Variants in NLGN1 observed in about 807,000 individuals in gnomAD.
The protein encoded by NLGN1 is neuroligin-1.
Under a neutral mutation model 65.5 loss-of-function variants are expected in NLGN1, and 12 were observed. The observed-to-expected ratio is 0.18, with a 90% CI of 0.12 to 0.30. The LOEUF (loss-of-function observed/expected upper bound fraction) is 0.30, where lower values mean the gene tolerates loss of function less well. Among genes scored for constraint, NLGN1 ranks in the 10% least tolerant of loss-of-function variants. The probability of loss-of-function intolerance (pLI) is 1.00; values close to 1 mark genes in which losing one functional copy is unlikely to be tolerated. For synonymous variants in NLGN1, 350 were observed against 359.5 expected, an observed-to-expected ratio of 0.97 and a Z score of 0.30; for missense variants, 750 against 1,007.1, an observed-to-expected ratio of 0.74 and a Z score of 3.46.
chr3:173,469,776 G>C (rs1725020135), intron 2 of NLGN1, among the ~76,000 whole-genome samples: 1 of 151,750 alleles, frequency 6.6e-6, no homozygotes, highest in African/African-American at 2.4e-5. Context: ...CCAGACCCTG[G>C]TAGCCGCCAA....
chr3:173,809,645 C>T (rs1466018141), intron 4 of NLGN1, among the ~76,000 whole-genome samples: 1 of 152,098 alleles, frequency 6.6e-6, no homozygotes, highest in South Asian at 2.1e-4. Context: ...AGCAAGATTT[C>T]ATAACATAAA....
chr3:173,513,829 C>T (rs1004362524), intron 2 of NLGN1, among the ~76,000 whole-genome samples: 2 of 151,956 alleles, frequency 1.3e-5, no homozygotes, highest in African/African-American at 2.4e-5. Context: ...AGTTCACAAC[C>T]AGCCTGGCCA....
intron 2 of NLGN1, among the ~76,000 whole-genome samples, chr3:173,585,208 GT>G (rs1560004191): frequency 6.6e-6 from 1 of 152,164 alleles, no homozygotes; most frequent in African/African-American, 2.4e-5. Context: ...AAAAAACCTT[GT>G]TTTTGTGGCG....
intron 4 of NLGN1, among the ~76,000 whole-genome samples, chr3:174,168,013 A>G (rs1458074365): frequency 6.6e-6 from 1 of 151,982 alleles, no homozygotes; most frequent in African/African-American, 2.4e-5. Flanking sequence ...GTTTTCAATT[A>G]TATTTTGAAA....
intron 4 of NLGN1, among the ~76,000 whole-genome samples, chr3:173,959,340 A>G (rs900162486): frequency 2.0e-5 from 3 of 152,228 alleles, no homozygotes; most frequent in African/African-American, 7.2e-5. Flanking sequence ...GTAGTGAGAC[A>G]TATTTATCAA....
chr3:173,596,583 C>T (rs1749525868), intron 2 of NLGN1, among the ~76,000 whole-genome samples: 1 of 152,140 alleles, frequency 6.6e-6, no homozygotes, highest in African/African-American at 2.4e-5. Context: ...GCAGTTAGCT[C>T]AATGTTTAGC....
At chr3:174,139,579 G>C (rs1310123538) in intron 4 of NLGN1, among the ~76,000 whole-genome samples, 1 of 151,978 alleles carries the variant, frequency 6.6e-6, no homozygotes, top group Non-Finnish European at 1.5e-5. Flanking sequence ...CTATATCTCA[G>C]TGCAGGTTTT....
chr3:173,538,006 G>C (rs1458135945), intron 2 of NLGN1, among the ~76,000 whole-genome samples: 1 of 152,168 alleles, frequency 6.6e-6, no homozygotes, highest in African/African-American at 2.4e-5. Flanking sequence ...AATAATTGTT[G>C]TGTCACCTAG....
At chr3:174,207,281 G>A (rs760861601) in intron 4 of NLGN1, among the ~76,000 whole-genome samples, 2 of 151,012 alleles carry the variant, frequency 1.3e-5, no homozygotes, top group Non-Finnish European at 2.9e-5. Flanking sequence ...CTGGTGTACC[G>A]CTCTCTCCCC....
rs185489443 is a variant in NLGN1 at position 173,416,675 on chromosome 3, C to G, written c.-390+18188C>G. On this transcript the variant is annotated intron_variant, in intron 1 of 6. Coordinates refer to ENST00000457714, the Ensembl canonical transcript of NLGN1. ...ATGTGTTAATTTCTTACTTAGATAT[C>G]ATTCCAAAGCATGTGAGCATCAAGA... 3.2e-3 allele frequency among the ~76,000 whole-genome samples: 491 copies of G among 152,212 alleles called. 1 individual carries two copies. The highest frequency in any genetic ancestry group is 0.017 in the Middle Eastern group (5 of 294).
intron 2 of NLGN1, among the ~76,000 whole-genome samples, chr3:173,439,913 G>A (rs1718862187): frequency 6.6e-6 from 1 of 152,100 alleles, no homozygotes; most frequent in Admixed American, 6.5e-5. Flanking sequence ...CAGCAATGAA[G>A]TTTGCTGCAT....
chr3:173,494,904 G>C (rs1184283398), intron 2 of NLGN1, among the ~76,000 whole-genome samples: 1 of 151,652 alleles, frequency 6.6e-6, no homozygotes, highest in Non-Finnish European at 1.5e-5. Context: ...ATACAGTCTT[G>C]ATTATTGAGA....
chr3:174,140,590 G>A (rs9821957), intron 4 of NLGN1, among the ~76,000 whole-genome samples: 23,192 of 152,114 alleles, frequency 0.15, 3,341 homozygotes, highest in African/African-American at 0.37. Context: ...GAGTGGAAGA[G>A]TAGTGTCCAA....
At chr3:173,974,345 A>G (rs1044656959) in intron 4 of NLGN1, among the ~76,000 whole-genome samples, 2 of 152,140 alleles carry the variant, frequency 1.3e-5, no homozygotes, top group East Asian at 1.9e-4. Context: ...TCTTCATACT[A>G]CATTGGTATT....
At chr3:173,837,946 T>C (rs963678056) in intron 4 of NLGN1, among the ~76,000 whole-genome samples, 18 of 152,200 alleles carry the variant, frequency 1.2e-4, no homozygotes, top group African/African-American at 4.1e-4. Flanking sequence ...CAAAAATTGG[T>C]ATATAAACTT....
At chr3:173,636,864 T>C (rs1236496249) in intron 3 of NLGN1, among the ~76,000 whole-genome samples, 1 of 152,014 alleles carries the variant, frequency 6.6e-6, no homozygotes, top group African/African-American at 2.4e-5. Context: ...ACATAAAGAA[T>C]TAGAATGAAA....
exon 7 of NLGN1, chr3:174,281,633 A>C (rs758810863): frequency 3.3e-5 from 7 of 211,716 alleles, no homozygotes; most frequent in African/African-American, 4.6e-5. Context: ...AATATAAAAA[A>C]TAAAAATAAA....
chr3:173,539,902 A>G (rs1279365913), intron 2 of NLGN1, among the ~76,000 whole-genome samples: 1 of 145,748 alleles, frequency 6.9e-6, no homozygotes, highest in Non-Finnish European at 1.5e-5. Context: ...TATATGTTAT[A>G]AATGTATATA....
chr3:173,551,149 T>C (rs1283293360), intron 2 of NLGN1, among the ~76,000 whole-genome samples: 2 of 152,168 alleles, frequency 1.3e-5, no homozygotes. Context: ...ACTGGAGTTG[T>C]GGAAATAAGG....
Sources: allele counts gnomAD v4.1 joint callset (sites outside exome capture counted in the v4.1 genomes callset), GRCh38; gene constraint gnomAD v4.1.1; transcripts MANE v1.5; gene names NCBI Gene and HGNC (gene_info 2026-07-23, HGNC 2026-07-21).